The following SPATA17 variants were observed in gnomAD, a reference collection of about 807,000 sequenced individuals.
SPATA17 encodes spermatogenesis associated 17.
Under a neutral mutation model 62.2 loss-of-function variants are expected in SPATA17, and 53 were observed. The ratio of observed to expected loss-of-function variants is 0.85; its 90% CI spans 0.68 to 1.07. SPATA17 has a LOEUF of 1.07. SPATA17 is among the 50% of genes least tolerant of loss of function. The probability of loss-of-function intolerance (pLI) is 0.00; values close to 1 mark genes in which losing one functional copy is unlikely to be tolerated. For missense variants in SPATA17, 466 were observed against 425.5 expected, an observed-to-expected ratio of 1.10 and a Z score of -0.84; for synonymous variants, 146 against 146.8, an observed-to-expected ratio of 0.99 and a Z score of 0.04.
chr1:217,838,533 A>G (rs922887933), intron 9 of SPATA17, among the ~76,000 whole-genome samples: 1 of 152,086 alleles, frequency 6.6e-6, no homozygotes, highest in Non-Finnish European at 1.5e-5. Flanking sequence ...ATAATTAACT[A>G]ATAGTAAATC....
chr1:217,666,911 T>C (rs1670708807), intron 3 of SPATA17, among the ~76,000 whole-genome samples: 2 of 152,332 alleles, frequency 1.3e-5, no homozygotes, highest in African/African-American at 4.8e-5. Context: ...AAGAATGATA[T>C]GTGAGAATCA....
At chr1:217,698,412 C>T (rs1671511556) in intron 5 of SPATA17, among the ~76,000 whole-genome samples, 3 of 151,418 alleles carry the variant, frequency 2.0e-5, no homozygotes, top group African/African-American at 7.3e-5. Context: ...CCAGCCTGGG[C>T]AACAGAGTGA....
At chr1:217,748,314 A>AAAG (rs1672816094) in intron 6 of SPATA17, among the ~76,000 whole-genome samples, 1 of 151,756 alleles carries the variant, frequency 6.6e-6, no homozygotes, top group East Asian at 1.9e-4. Context: ...AAAAAAAAAA[A>AAAG]AAAAATTAAC....
chr1:217,844,225 C>T (rs1013277429), intron 9 of SPATA17, among the ~76,000 whole-genome samples: 2 of 151,998 alleles, frequency 1.3e-5, no homozygotes, highest in Non-Finnish European at 2.9e-5. Flanking sequence ...GCAAACAACC[C>T]CTAGTATAGG....
intron 5 of SPATA17, among the ~76,000 whole-genome samples, chr1:217,728,676 A>T (rs1672328089): frequency 6.6e-6 from 1 of 152,162 alleles, no homozygotes; most frequent in Non-Finnish European, 1.5e-5. Context: ...TTGAATCATT[A>T]AAAAAACTGG....
At chr1:217,648,796 G>T in intron 1 of SPATA17, 86 bp from the exon 2 acceptor site, 1 of 692,098 alleles carries the variant, frequency 1.4e-6, no homozygotes, top group Non-Finnish European at 2.3e-6. Context: ...CATCTTGGAA[G>T]AAATTAAAAA....
At chr1:217,690,522 G>T (rs1237643516) in intron 5 of SPATA17, among the ~76,000 whole-genome samples, 2 of 133,950 alleles carry the variant, frequency 1.5e-5, no homozygotes, top group African/African-American at 2.8e-5. Context: ...AAGTTTTAGG[G>T]TACATGTGCA....
chr1:217,648,172 A>T (rs116569679), intron 1 of SPATA17, among the ~76,000 whole-genome samples: 1,716 of 152,264 alleles, frequency 0.011, 31 homozygotes, highest in African/African-American at 0.039. Flanking sequence ...TAATCTTATC[A>T]TGGTGCCTTC....
At chr1:217,729,626 A>G (rs1202848762) in intron 5 of SPATA17, among the ~76,000 whole-genome samples, 1 of 152,190 alleles carries the variant, frequency 6.6e-6, no homozygotes, top group African/African-American at 2.4e-5. Flanking sequence ...TACAATAATT[A>G]TAGTAATTAA....
At chr1:217,766,723 T>C (rs1571791685) in intron 6 of SPATA17, among the ~76,000 whole-genome samples, 1 of 80,674 alleles carries the variant, frequency 1.2e-5, no homozygotes, top group African/African-American at 3.7e-5. Context: ...TCGTTCTCTT[T>C]TTTTTTTTTT....
intron 7 of SPATA17, 186 bp from the exon 8 acceptor site, chr1:217,781,986 TGA>T: frequency 2.1e-6 from 1 of 473,826 alleles, no homozygotes; most frequent in Non-Finnish European, 3.4e-6. Flanking sequence ...CAATTTTACT[TGA>T]GAGAACATTG....
chr1:217,849,564 G>C (rs569901400), intron 9 of SPATA17, among the ~76,000 whole-genome samples: 1 of 152,050 alleles, frequency 6.6e-6, no homozygotes, highest in African/African-American at 2.4e-5. Flanking sequence ...CTAATCTCTT[G>C]CCAGGAGTGC....
chr1:217,717,372 G>A lies in SPATA17; in HGVS notation c.396-24603G>A, dbSNP rs1205724354. On this transcript the variant is annotated intron_variant, in intron 5 of 10. Transcript: ENST00000366933. ...CACCTGTAATCCTAACACTTTGGAA[G>A]GCTGAAAGAGATGGATCACCTGAGG... 2.6e-4 allele frequency among the ~76,000 whole-genome samples: 39 copies of A among 152,134 alleles called. 1 individual carries two copies. The highest frequency in any genetic ancestry group is 2.6e-3 in the Admixed American group (39 of 15,274).
At position 217,870,312 on chromosome 1, in the gene SPATA17, T is replaced by C. The variant is rs1259352441; in HGVS notation, c.*3293T>C. ...TTCTCATAAGACTCAAGTTTTTGAA[T>C]GCTTAAGGCTCTTTATCGCTAGTGT... On this transcript the variant is annotated 3_prime_UTR_variant, in exon 11 of 11. Coordinates refer to ENST00000366933, the MANE Select transcript of SPATA17 (RefSeq NM_138796.4). 3 of 152,168 alleles carry C rather than the reference T, an allele frequency of 2.0e-5. No individual in the cohort carries two copies. The highest frequency in any genetic ancestry group is 7.2e-5 in the African/African-American group (3 of 41,460). 9.4% of individuals were successfully genotyped at this position (152,168 alleles called of 1,614,324 possible).
chr1:217,659,229 G>A (rs1192717571), intron 3 of SPATA17, among the ~76,000 whole-genome samples: 1 of 146,912 alleles, frequency 6.8e-6, no homozygotes, highest in Non-Finnish European at 1.5e-5. Context: ...CACACAAATA[G>A]AAGTAATAAG....
intron 5 of SPATA17, among the ~76,000 whole-genome samples, chr1:217,707,018 T>C (rs1304167376): frequency 2.0e-5 from 3 of 151,010 alleles, no homozygotes; most frequent in Non-Finnish European, 4.4e-5. Flanking sequence ...AAGCACGTGC[T>C]ACCATGCCCA....
At chr1:217,789,186 A>G (rs1673940065) in intron 8 of SPATA17, among the ~76,000 whole-genome samples, 1 of 152,194 alleles carries the variant, frequency 6.6e-6, no homozygotes, top group African/African-American at 2.4e-5. Flanking sequence ...GAAAAACAAA[A>G]AAGTATTAAT....
intron 5 of SPATA17, among the ~76,000 whole-genome samples, chr1:217,713,465 C>T (rs558965606): frequency 3.3e-5 from 5 of 152,200 alleles, no homozygotes; most frequent in Admixed American, 6.5e-5. Context: ...TTAGGGCACC[C>T]GCAAACACCA....
chr1:217,742,752 T>C (rs1672650895), intron 6 of SPATA17, among the ~76,000 whole-genome samples: 1 of 152,068 alleles, frequency 6.6e-6, no homozygotes, highest in Non-Finnish European at 1.5e-5. Context: ...GAGTGAGATA[T>C]GTTTTGTTAC....
Sources: allele counts gnomAD v4.1 joint callset (sites outside exome capture counted in the v4.1 genomes callset), GRCh38; gene constraint gnomAD v4.1.1; transcripts MANE v1.5; gene names NCBI Gene and HGNC (gene_info 2026-07-23, HGNC 2026-07-21).